UNC13B: variants seen among roughly 807,000 people sequenced by gnomAD.
The protein encoded by UNC13B is unc-13 homolog B.
A neutral mutation model predicts 211.0 loss-of-function variants in UNC13B; 144 were observed. That is an observed-to-expected ratio of 0.68 (90% confidence interval 0.60 to 0.78). The LOEUF is 0.78. Among genes scored for constraint, UNC13B ranks in the 30% least tolerant of loss-of-function variants. The probability of loss-of-function intolerance (pLI) is 0.00; values close to 1 mark genes in which losing one functional copy is unlikely to be tolerated. For synonymous variants in UNC13B, 709 were observed against 725.8 expected (o/e 0.98, Z 0.37); for missense variants, 1,777 against 2,002.0 (o/e 0.89, Z 2.14).
At chr9:35,179,299 A>C (rs962823912) in intron 1 of UNC13B, among the ~76,000 whole-genome samples, 4 of 152,180 alleles carry the variant, frequency 2.6e-5, no homozygotes, top group Non-Finnish European at 4.4e-5. Flanking sequence ...GCATTATAGC[A>C]GGTGTTTCAT....
chr9:35,318,098 C>T (rs1462609656), intron 11 of UNC13B, among the ~76,000 whole-genome samples: 1 of 151,924 alleles, frequency 6.6e-6, no homozygotes, highest in African/African-American at 2.4e-5. Context: ...AAAACAGTTG[C>T]CAAAGCTTGG....
chr9:35,193,711 T>C (rs1007422296), intron 1 of UNC13B, among the ~76,000 whole-genome samples: 19 of 151,704 alleles, frequency 1.3e-4, no homozygotes, highest in Admixed American at 3.3e-4. Flanking sequence ...GTTTTCCTGT[T>C]GATGGAGCAG....
At chr9:35,232,645 A>G (rs1394251335) in intron 3 of UNC13B, among the ~76,000 whole-genome samples, 6 of 152,182 alleles carry the variant, frequency 3.9e-5, no homozygotes, top group African/African-American at 7.2e-5. Flanking sequence ...TATGCCATTC[A>G]GTAGGATAGG....
intron 11 of UNC13B, among the ~76,000 whole-genome samples, chr9:35,332,044 C>T (rs549730124): frequency 1.3e-5 from 2 of 151,402 alleles, no homozygotes; most frequent in East Asian, 3.9e-4. Context: ...TGCAATGGTG[C>T]GATCTCAGCT....
rs1207751552 is a variant in UNC13B at position 35,200,426 on chromosome 9, C to A, written c.23-27589C>A. ...CATTGAATCTATAAATTACCTTGGGCAGTATGGCCATTTTCACAATATTCA... is the reference window on the plus strand; with the variant it reads ...CATTGAATCTATAAATTACCTTGGGAAGTATGGCCATTTTCACAATATTCA... On this transcript the variant is annotated intron_variant, in intron 1 of 39. Transcript: ENST00000635942. Among the ~76,000 whole-genome samples, 5 of 152,280 alleles carry A rather than the reference C, an allele frequency of 3.3e-5. No homozygotes were observed. In the East Asian group the frequency reaches 9.6e-4, roughly 29 times the overall value.
rs745539212 is a variant in UNC13B, at chr9:35,389,884, T to C, written c.11133T>C (p.Ile3711=). 2.5e-6 allele frequency: 4 copies of C among 1,614,080 alleles called. No individual in the cohort carries two copies. In the South Asian group the frequency reaches 4.4e-5, roughly 18 times the overall value. ...CTCCAGAGGAACAAGGGCCCAGCAT[T>C]CGGAACCTGGATTTCTGGCCCAAGC... is the stretch of plus-strand genomic sequence containing the variant. ...ELPPEEQGPS[I]RNLDFWPKLI... Residue 3711 remains isoleucine (I), a synonymous_variant, in exon 25 of 40, where the codon ATT becomes ATC. Transcript: ENST00000635942.
At position 35,235,083 on chromosome 9, in the gene UNC13B, G is replaced by A. The variant is rs145494477; in HGVS notation, c.153-1386G>A. ...TAGCATTAACACAGGTACTATTTGC[G>A]TATTCTAGTTTAATACTGGGATTAT... On this transcript the variant is annotated intron_variant, in intron 3 of 39. Coordinates refer to ENST00000635942, the MANE Select transcript of UNC13B (RefSeq NM_001371189.2). Among the ~76,000 whole-genome samples the A allele has an allele frequency of 3.0e-3, 452 of 152,224 alleles. 10 individuals are homozygous for A. In the South Asian group the frequency reaches 0.044, roughly 15 times the overall value.
intron 1 of UNC13B, among the ~76,000 whole-genome samples, chr9:35,173,951 AG>A (rs1821470678): frequency 6.6e-6 from 1 of 152,238 alleles, no homozygotes; most frequent in South Asian, 2.1e-4. Context: ...TTAGGGTAGT[AG>A]TACCAGTGAT....
At chr9:35,400,491 A>G (rs766108870) in intron 37 of UNC13B, 48 bp downstream of exon 37, 18 of 1,583,496 alleles carry the variant, frequency 1.1e-5, no homozygotes, top group Non-Finnish European at 1.5e-5. Context: ...TCTGATACAC[A>G]TCTTCCCCTA....
At chr9:35,385,318 A>C in intron 22 of UNC13B, 1 of 985,488 alleles carries the variant, frequency 1.0e-6, no homozygotes, top group African/African-American at 1.7e-5. Flanking sequence ...TTTGGTCTGT[A>C]GTGTGGCTCC....
intron 1 of UNC13B, among the ~76,000 whole-genome samples, chr9:35,207,929 A>C (rs1679676060): frequency 6.6e-6 from 1 of 152,172 alleles, no homozygotes; most frequent in South Asian, 2.1e-4. Flanking sequence ...AAACCATTGC[A>C]AGAGTTTGTA....
intron 11 of UNC13B, among the ~76,000 whole-genome samples, chr9:35,324,921 C>G (rs1020119922): frequency 6.6e-6 from 1 of 152,108 alleles, no homozygotes; most frequent in Admixed American, 6.6e-5. Flanking sequence ...CTCACTTGTC[C>G]CATCAGCATC....
intron 11 of UNC13B, chr9:35,364,445 G>A (rs752006282): frequency 2.0e-5 from 27 of 1,325,520 alleles, no homozygotes; most frequent in Non-Finnish European, 2.8e-5. Flanking sequence ...TCTCTTCCAT[G>A]TCCCTTGGAG....
Position 35,380,461 on chromosome 9 carries a change from C to A in UNC13B, c.10206-9C>A, listed in dbSNP as rs781334282. On this transcript the variant is annotated splice_polypyrimidine_tract_variant and intron_variant, in intron 17 of 39. Transcript: ENST00000635942. ...TGCCCCTAACAGAGCCTGCCTAATT[C>A]TCTCACAGTGAGTGCCACAACTCCT... is the stretch of plus-strand genomic sequence containing the variant. 5.0e-6 allele frequency: 8 copies of A among 1,613,354 alleles called. No homozygotes were observed. Among genetic ancestry groups the A allele is most frequent in the Non-Finnish European group, 5.9e-6 (7 of 1,179,548 alleles).
chr9:35,251,146 A>G (rs1250072488), intron 6 of UNC13B, among the ~76,000 whole-genome samples: 1 of 151,858 alleles, frequency 6.6e-6, no homozygotes, highest in Non-Finnish European at 1.5e-5. Flanking sequence ...TGTATCTTTT[A>G]GTAGAGACAG....
In UNC13B at chr9:35,404,357, T is replaced by A; in HGVS notation, c.*324T>A. On this transcript the variant is annotated 3_prime_UTR_variant, in exon 40 of 40. Transcript: ENST00000635942. ...ACCTCTCCACTCCTCATCCCACCTC[T>A]ACCCATCTCCATGCCACACCTTATC... The A allele has an allele frequency of 2.8e-6, 1 of 356,272 alleles. No individual in the cohort carries two copies. Among genetic ancestry groups the A allele is most frequent in the Non-Finnish European group, 5.2e-6 (1 of 191,514 alleles). 22.1% of individuals were successfully genotyped at this position (356,272 alleles called of 1,614,324 possible).
intron 7 of UNC13B, among the ~76,000 whole-genome samples, chr9:35,283,756 A>G (rs1564112340): frequency 6.6e-6 from 1 of 152,222 alleles, no homozygotes; most frequent in Non-Finnish European, 1.5e-5. Context: ...AATTCTGAGT[A>G]TTGGCCACAT....
chr9:35,221,849 G>A (rs933867219), intron 1 of UNC13B, among the ~76,000 whole-genome samples: 3 of 152,144 alleles, frequency 2.0e-5, no homozygotes, highest in African/African-American at 4.8e-5. Context: ...GATAAAATAA[G>A]CAAATATGTA....
intron 1 of UNC13B, among the ~76,000 whole-genome samples, chr9:35,220,692 C>G (rs1824521204): frequency 1.3e-5 from 2 of 152,116 alleles, no homozygotes; most frequent in Admixed American, 1.3e-4. Flanking sequence ...TAAGTTGCTT[C>G]CAAATCTTGG....
Sources: gnomAD v4.1 joint callset for allele counts (sites outside exome capture counted in the v4.1 genomes callset) on GRCh38, gnomAD v4.1.1 for gene constraint, MANE v1.5 for transcripts, NCBI Gene and HGNC (gene_info 2026-07-23, HGNC 2026-07-21) for gene names.